The following PUF60 variants were observed in gnomAD, a reference collection of about 807,000 sequenced individuals.
PUF60 encodes the protein poly(U)-binding-splicing factor PUF60.
Under a neutral mutation model 61.8 loss-of-function variants are expected in PUF60, and 10 were observed. That is an observed-to-expected ratio of 0.16 (90% confidence interval 0.10 to 0.27). PUF60 has a LOEUF of 0.27. Among genes scored for constraint, PUF60 ranks in the 10% least tolerant of loss-of-function variants. PUF60 has a pLI of 1.00. For missense variants in PUF60, 371 were observed against 754.0 expected, an observed-to-expected ratio of 0.49 and a Z score of 5.95; for synonymous variants, 353 against 300.9, an observed-to-expected ratio of 1.17 and a Z score of -1.79.
intron 1 of PUF60, chr8:143,827,341 C>A: frequency 2.2e-6 from 1 of 455,994 alleles, no homozygotes; most frequent in South Asian, 1.5e-5. Context: ...GTGAAGAGAA[C>A]GGAGCCATGC....
At chr8:143,825,625 G>A (rs751904834) in intron 1 of PUF60, among the ~76,000 whole-genome samples, 27 of 152,182 alleles carry the variant, frequency 1.8e-4, no homozygotes, top group Admixed American at 5.2e-4. Flanking sequence ...TGGGACTCCA[G>A]GCATGCGCCG....
At chr8:143,828,535 G>A (rs1817907908) in intron 1 of PUF60, among the ~76,000 whole-genome samples, 1 of 152,228 alleles carries the variant, frequency 6.6e-6, no homozygotes, top group South Asian at 2.1e-4. Context: ...CAGAGCAGGG[G>A]GCGACTCACT....
At chr8:143,820,357 G>A (rs1816875953) in intron 5 of PUF60, 2 of 471,226 alleles carry the variant, frequency 4.2e-6, no homozygotes, top group Non-Finnish European at 7.7e-6. Context: ...CACCCCGTGC[G>A]TGCAGGTGGC....
intron 1 of PUF60, 139 bp from the exon 2 acceptor site, chr8:143,824,538 C>T (rs1035622581): frequency 4.0e-5 from 32 of 796,752 alleles, no homozygotes; most frequent in Non-Finnish European, 6.4e-5. Context: ...ACATGACCCC[C>T]CAGCCCAAAC....
chr8:143,820,667 G>A lies in PUF60; in HGVS notation c.347C>T (p.Ser116Leu). Residue 116 changes from serine (S) to leucine (L), a missense_variant and splice_region_variant, in exon 5 of 12, where the codon TCG becomes TTG. By Grantham distance (145) the Ser-to-Leu change is moderately radical. Coordinates refer to ENST00000526683, the MANE Select transcript of PUF60 (RefSeq NM_078480.3). ...GFGDPLSPLQSMAAQRQRALA... is the reference protein window; with the variant it reads ...GFGDPLSPLQLMAAQRQRALA... ...GAAGAAGTGAGCATTTCTATTGACC[G>A]ATTGCAAAGGTGAGAGAGGATCTCC... The A allele has an allele frequency of 1.2e-6, 2 of 1,612,214 alleles. No homozygotes were observed. The highest frequency in any genetic ancestry group is 1.7e-6 in the Non-Finnish European group (2 of 1,178,664).
At chr8:143,828,713 G>A (rs1196107909) in intron 1 of PUF60, among the ~76,000 whole-genome samples, 2 of 152,212 alleles carry the variant, frequency 1.3e-5, no homozygotes, top group Non-Finnish European at 2.9e-5. Context: ...CACGTAGGAT[G>A]AGAGCGCACG....
rs748621907 is a variant in PUF60, at chr8:143,824,382, T to C, written c.42A>G (p.Gln14=). ...CCGCCGCCGGCTCGGACCCCCCTCC[T>C]TGCTGGCCATTGACCTGCTGCAGGC... ...ATIALQVNGQ[Q]GGGSEPAAAA... Residue 14 remains glutamine, a synonymous_variant, in exon 2 of 12, where the codon CAA becomes CAG. Transcript: ENST00000526683. 1 of 1,612,166 alleles carries C rather than the reference T, an allele frequency of 6.2e-7. No homozygotes were observed. The highest frequency in any genetic ancestry group is 8.5e-7 in the Non-Finnish European group (1 of 1,179,766).
rs1425722416 is a variant in PUF60, at chr8:143,816,562, C to T, written c.1638G>A (p.Val546=). 9 of 1,613,472 alleles carry T rather than the reference C, an allele frequency of 5.6e-6. No homozygotes were observed. The highest frequency in any genetic ancestry group is 7.6e-6 in the Non-Finnish European group (9 of 1,179,794). ...WFAGRKVVAE[V]YDQERFDNSD... is the part of the protein sequence containing the mutation. Reference sequence around the variant, plus strand: ...TGTTATCAAAACGCTCCTGGTCGTACACTTCAGCCACCACCTTGCGGCCAG... The same window carrying T: ...TGTTATCAAAACGCTCCTGGTCGTATACTTCAGCCACCACCTTGCGGCCAG... The change falls in exon 12 of 12, where the codon GTG becomes GTA. Residue 546 remains valine (V), a synonymous_variant. Coordinates refer to ENST00000526683, the MANE Select transcript of PUF60 (RefSeq NM_078480.3).
At chr8:143,824,608 T>C in intron 1 of PUF60, 3 of 588,924 alleles carry the variant, frequency 5.1e-6, no homozygotes, top group Non-Finnish European at 9.1e-6. Flanking sequence ...GAGCGGAGCA[T>C]GGGCTGGGCC....
intron 5 of PUF60, chr8:143,820,285 G>C (rs556731912): frequency 3.5e-6 from 1 of 284,814 alleles, no homozygotes; most frequent in South Asian, 4.6e-5. Flanking sequence ...TCTCCTCAGG[G>C]GCCTGACCCC....
chr8:143,820,824 G>T, intron 4 of PUF60, 108 bp from the exon 5 acceptor site: 1 of 1,107,594 alleles, frequency 9.0e-7, no homozygotes, highest in South Asian at 1.3e-5. Flanking sequence ...CGCCCTGCCA[G>T]GGAGGCCGCC....
chr8:143,824,206 C>T (rs1472447305), intron 2 of PUF60, 107 bp downstream of exon 2: 39 of 1,198,496 alleles, frequency 3.3e-5, no homozygotes, highest in Middle Eastern at 2.8e-4. Context: ...AGGTTCCTCC[C>T]GCCCCGCCCC....
At chr8:143,828,494 G>GCCTGC in intron 1 of PUF60, among the ~76,000 whole-genome samples, 1 of 152,312 alleles carries the variant, frequency 6.6e-6, no homozygotes, top group Admixed American at 6.5e-5. Flanking sequence ...CGTTAATAAC[G>GCCTGC]CCTGCCCTGC....
chr8:143,816,580 G>T lies in PUF60; in HGVS notation c.1620C>A (p.Arg540=), dbSNP rs770154490. The T allele has an allele frequency of 1.2e-6, 2 of 1,613,690 alleles. No individual in the cohort carries two copies. Among genetic ancestry groups the T allele is most frequent in the South Asian group, 1.1e-5 (1 of 91,088 alleles). The change falls in exon 12 of 12, where the codon CGC becomes CGA. Residue 540 remains arginine (R), a synonymous_variant. Coordinates refer to ENST00000526683, the MANE Select transcript of PUF60 (RefSeq NM_078480.3). ...GGTCGTACACTTCAGCCACCACCTT[G>T]CGGCCAGCAAACCAGCGGCCATTGA... ...QALNGRWFAG[R]KVVAEVYDQE...
Position 143,818,565 on chromosome 8 carries a change from GGCTCGTCAGGGGCGGCAGGAA to G in PUF60, c.349-52_349-32del. ...GCAGGACAGAGGGGAGAGAACCGCTGGCTCGTCAGGGGCGGCAGGAAGCTGGGCAGCCCACTCCCCTCCTGG... is the reference window on the plus strand; with the variant it reads ...GCAGGACAGAGGGGAGAGAACCGCTGGCTGGGCAGCCCACTCCCCTCCTGG... On this transcript the variant is annotated intron_variant, in intron 5 of 11. Transcript: ENST00000526683. The surrounding 1 kb of genome is among the most constrained non-coding windows in gnomAD (Gnocchi z 7.9). 6.5e-7 allele frequency: 1 copy of G among 1,541,302 alleles called. No homozygotes were observed. Among genetic ancestry groups the G allele is most frequent in the Non-Finnish European group, 8.8e-7 (1 of 1,140,976 alleles).
chr8:143,816,801 G>A lies in PUF60; in HGVS notation c.1399C>T (p.Arg467Cys). The change falls in exon 12 of 12, where the codon CGC becomes TGC. Residue 467 changes from arginine to cysteine, a missense_variant. By Grantham distance (180) the Arg-to-Cys change is radical. Around this residue, in one of 13 missense-constraint regions of PUF60, gnomAD observed 38 missense variants for 112.9 expected, o/e 0.34. Coordinates refer to ENST00000526683, the MANE Select transcript of PUF60 (RefSeq NM_078480.3). ...RKQESTVMVL[R>C]NMVDPKDIDD... ...ATGTCCTTGGGGTCCACCATGTTGCGCAGAACCATCACTGTAGACTGTGGG... is the reference window on the plus strand; with the variant it reads ...ATGTCCTTGGGGTCCACCATGTTGCACAGAACCATCACTGTAGACTGTGGG... 6.2e-7 allele frequency: 1 copy of A among 1,613,196 alleles called. No homozygotes were observed.
At chr8:143,822,532 G>A (rs1817142454) in intron 2 of PUF60, 3 of 456,516 alleles carry the variant, frequency 6.6e-6, no homozygotes, top group Non-Finnish European at 1.3e-5. Context: ...GCCCTGAAGA[G>A]GGCTCCAGCT....
In PUF60 at chr8:143,818,337, A is replaced by G; in HGVS notation, c.510+36T>C. The G allele has an allele frequency of 6.2e-7, 1 of 1,609,524 alleles. No individual in the cohort carries two copies. The highest frequency in any genetic ancestry group is 8.5e-7 in the Non-Finnish European group (1 of 1,177,470). On this transcript the variant is annotated intron_variant, in intron 6 of 11. Coordinates refer to ENST00000526683, the MANE Select transcript of PUF60 (RefSeq NM_078480.3). This position sits in a 1 kb window ranked among gnomAD's most constrained non-coding sequence, Gnocchi z 7.9. ...CTGCGCGAGCCCAGGGGTGGGGGCG[A>G]GCCCGAAGTGGCCGGGGCGGACCAA...
At position 143,817,259 on chromosome 8, in the gene PUF60, G is replaced by A. The variant is rs1386270907; in HGVS notation, c.1144+72C>T. Reference sequence around the variant, plus strand: ...GGTTGTGCCCAGACCACCAGGGCCAGGCAGCTGAGGGCAGCGAGCCGAGAG... The same window carrying A: ...GGTTGTGCCCAGACCACCAGGGCCAAGCAGCTGAGGGCAGCGAGCCGAGAG... On this transcript the variant is annotated intron_variant, in intron 10 of 11. Transcript: ENST00000526683. This position sits in a 1 kb window ranked among gnomAD's most constrained non-coding sequence, Gnocchi z 7.4. 5 of 1,536,656 alleles carry A rather than the reference G, an allele frequency of 3.3e-6. No homozygotes were observed. The East Asian group carries it at 9.1e-5, about 28-fold the overall frequency.
Sources: gnomAD v4.1 joint callset for allele counts (sites outside exome capture counted in the v4.1 genomes callset) on GRCh38, gnomAD v4.1.1 for gene constraint, gnomAD v4.1.1 regional missense constraint, Gnocchi (gnomAD v3.1) non-coding constraint, MANE v1.5 for transcripts, NCBI Gene and HGNC (gene_info 2026-07-23, HGNC 2026-07-21) for gene names.